GRXCR2: variants seen among roughly 807,000 people sequenced by gnomAD.
GRXCR2 encodes the protein glutaredoxin and cysteine rich domain containing 2.
In GRXCR2, 23 loss-of-function variants were observed where a neutral mutation model predicts 24.8. The observed-to-expected ratio is 0.93, with a 90% CI of 0.67 to 1.32. GRXCR2 has a LOEUF of 1.32. Ranked by LOEUF, GRXCR2 falls within the 40% of genes most tolerant of loss-of-function variation. The pLI, the probability that GRXCR2 is intolerant of heterozygous loss-of-function variation, is 0.00. For synonymous variants in GRXCR2, 130 were observed against 116.1 expected, an observed-to-expected ratio of 1.12 and a Z score of -0.77; for missense variants, 315 against 303.4, an observed-to-expected ratio of 1.04 and a Z score of -0.28.
At chr5:145,864,917 C>A (rs185502479) in intron 2 of GRXCR2, among the ~76,000 whole-genome samples, 2 of 151,950 alleles carry the variant, frequency 1.3e-5, no homozygotes, top group South Asian at 2.1e-4. Flanking sequence ...ACTTTCAGAA[C>A]CTTTTGCTAG....
chr5:145,917,935 A>G (rs992591881), intron 2 of GRXCR2, among the ~76,000 whole-genome samples: 15 of 152,186 alleles, frequency 9.9e-5, no homozygotes, highest in Non-Finnish European at 2.2e-4. Context: ...GCCCACCACC[A>G]TGCACAGCTA....
At chr5:145,857,960 GA>G (rs1233422650), downstream of GRXCR2, among the ~76,000 whole-genome samples, 7 of 152,162 alleles carry the variant, frequency 4.6e-5, no homozygotes, top group Non-Finnish European at 1.0e-4. Context: ...AAGCACTTTG[GA>G]ATACTGTCCT....
At chr5:145,860,121 A>G (rs564102196) in intron 2 of GRXCR2, among the ~76,000 whole-genome samples, 1 of 152,292 alleles carries the variant, frequency 6.6e-6, no homozygotes, top group Admixed American at 6.5e-5. Flanking sequence ...CACCTCTAAG[A>G]CAGCATCCTG....
chr5:145,861,595 A>G (rs925471039), intron 2 of GRXCR2, among the ~76,000 whole-genome samples: 1 of 152,144 alleles, frequency 6.6e-6, no homozygotes, highest in African/African-American at 2.4e-5. Flanking sequence ...GTTCCTGTTG[A>G]TTAGACAGGG....
chr5:145,875,869 T>C (rs1419178433), upstream of GRXCR2, among the ~76,000 whole-genome samples: 1 of 151,870 alleles, frequency 6.6e-6, no homozygotes, highest in African/African-American at 2.4e-5. Flanking sequence ...CTTCACTGTA[T>C]AGAACAATAT....
chr5:145,866,604 T>G lies in GRXCR2; in HGVS notation c.461A>C (p.Glu154Ala). 1.2e-6 allele frequency: 2 copies of G among 1,614,054 alleles called. No individual in the cohort carries two copies. Among genetic ancestry groups the G allele is most frequent in the Non-Finnish European group, 1.7e-6 (2 of 1,179,892 alleles). Reference sequence around the variant, plus strand: ...TTCTTCTTTGTTCATCAGAGACTCTTCCTCAGCCTCCTCTTCCTTCTGGAG... The same window carrying G: ...TTCTTCTTTGTTCATCAGAGACTCTGCCTCAGCCTCCTCTTCCTTCTGGAG... ...KILQKEEEAE[E>A]ESLMNKEESY... is the part of the protein sequence containing the mutation. Residue 154 changes from glutamate (E) to alanine (A), a missense_variant, in exon 2 of 3, where the codon GAA becomes GCA. Glu to Ala is a moderately radical substitution (Grantham distance 107). Coordinates refer to ENST00000377976, the MANE Select transcript of GRXCR2 (RefSeq NM_001080516.2).
At chr5:145,895,568 T>A (rs1435531170) in intron 2 of GRXCR2, among the ~76,000 whole-genome samples, 1 of 152,052 alleles carries the variant, frequency 6.6e-6, no homozygotes, top group Non-Finnish European at 1.5e-5. Flanking sequence ...GGAATCCAAC[T>A]CACAAGGGAT....
chr5:145,862,003 T>C lies in GRXCR2; in HGVS notation c.565-2088A>G, dbSNP rs76150754. On this transcript the variant is annotated intron_variant, in intron 2 of 2. Coordinates refer to ENST00000377976, the MANE Select transcript of GRXCR2 (RefSeq NM_001080516.2). ...TTTATTGATTGCTACCATATTTTAG[T>C]ATATTAACAATGGAGAATTTGTTTT... is the stretch of plus-strand genomic sequence containing the variant. 1.7e-4 allele frequency among the ~76,000 whole-genome samples: 26 copies of C among 152,348 alleles called. No homozygotes were observed. In the East Asian group the frequency reaches 3.1e-3, roughly 18 times the overall value.
intron 2 of GRXCR2, among the ~76,000 whole-genome samples, chr5:145,866,300 G>A (rs58642688): frequency 0.014 from 2,059 of 152,310 alleles, 58 homozygotes; most frequent in African/African-American, 0.047. Flanking sequence ...TAGAGTATCT[G>A]AAATATGGAC....
intron 2 of GRXCR2, among the ~76,000 whole-genome samples, chr5:145,889,954 A>G (rs1036227533): frequency 6.6e-6 from 1 of 152,268 alleles, no homozygotes; most frequent in Admixed American, 6.5e-5. Flanking sequence ...TAAAATACTC[A>G]TGTAAGGAGT....
intron 2 of GRXCR2, among the ~76,000 whole-genome samples, chr5:145,928,731 A>G: frequency 7.8e-6 from 1 of 128,296 alleles, no homozygotes; most frequent in Non-Finnish European, 1.6e-5. Context: ...GAAGGGGAAC[A>G]TCACACACCA....
At chr5:145,907,482 T>C (rs923446196) in intron 2 of GRXCR2, among the ~76,000 whole-genome samples, 8 of 151,334 alleles carry the variant, frequency 5.3e-5, no homozygotes, top group African/African-American at 1.9e-4. Flanking sequence ...TGAGCTGAGA[T>C]CGTGCCACTG....
chr5:145,866,441 G>T, intron 2 of GRXCR2, 60 bp downstream of exon 2: 2 of 1,230,850 alleles, frequency 1.6e-6, no homozygotes. Flanking sequence ...AATCAAGCCA[G>T]CTTGGAGACC....
At chr5:145,917,316 C>A (rs1365311232) in intron 2 of GRXCR2, among the ~76,000 whole-genome samples, 1 of 151,870 alleles carries the variant, frequency 6.6e-6, no homozygotes, top group Non-Finnish European at 1.5e-5. Flanking sequence ...GTGTTTTAGA[C>A]CCAAATATAT....
At chr5:145,927,367 G>T (rs1757413482) in intron 2 of GRXCR2, among the ~76,000 whole-genome samples, 1 of 152,152 alleles carries the variant, frequency 6.6e-6, no homozygotes, top group Non-Finnish European at 1.5e-5. Context: ...CTGTGGGTTT[G>T]TCATAAATAG....
chr5:145,878,123 C>A (rs1448410339), intron 2 of GRXCR2, among the ~76,000 whole-genome samples: 1 of 152,160 alleles, frequency 6.6e-6, no homozygotes, highest in Non-Finnish European at 1.5e-5. Flanking sequence ...ATTCTAAAAA[C>A]CACAGTGCTC....
intron 2 of GRXCR2, among the ~76,000 whole-genome samples, chr5:145,863,523 T>G (rs1156497936): frequency 6.6e-6 from 1 of 152,216 alleles, no homozygotes; most frequent in Admixed American, 6.5e-5. Flanking sequence ...TTTTATCATT[T>G]CTGGTCCTCT....
intron 2 of GRXCR2, among the ~76,000 whole-genome samples, chr5:145,920,778 T>C (rs1460190539): frequency 3.3e-5 from 5 of 152,218 alleles, no homozygotes; most frequent in African/African-American, 2.4e-5. Context: ...AACTGATATG[T>C]AGCAATACTA....
intron 2 of GRXCR2, among the ~76,000 whole-genome samples, chr5:145,902,897 C>A (rs116655195): frequency 6.6e-6 from 1 of 152,090 alleles, no homozygotes; most frequent in Non-Finnish European, 1.5e-5. Flanking sequence ...GGTTTGAGTG[C>A]GCCCCCAAGG....
Sources: gnomAD v4.1 joint callset for allele counts (sites outside exome capture counted in the v4.1 genomes callset) on GRCh38, gnomAD v4.1.1 for gene constraint, MANE v1.5 for transcripts, NCBI Gene and HGNC (gene_info 2026-07-23, HGNC 2026-07-21) for gene names.